Variants in CSMD1 observed in about 807,000 individuals in gnomAD.
CSMD1 encodes the protein CUB and Sushi multiple domains 1, also known as CUB and sushi domain-containing protein 1.
CSMD1 carries 213 observed loss-of-function variants against 417.5 expected under a neutral mutation model. The observed-to-expected ratio is 0.51, with a 90% confidence interval of 0.46 to 0.57. The LOEUF (loss-of-function observed/expected upper bound fraction) is 0.57, where lower values mean the gene tolerates loss of function less well. CSMD1 is among the 20% of genes least tolerant of loss of function. CSMD1 has a pLI of 0.00. For synonymous variants in CSMD1, 2,862 were observed against 1,736.8 expected (o/e 1.65, Z -16.11); for missense variants, 6,923 against 4,529.7 (o/e 1.53, Z -15.17).
At chr8:3,828,029 T>A (rs899022402) in intron 5 of CSMD1, among the ~76,000 whole-genome samples, 1 of 152,156 alleles carries the variant, frequency 6.6e-6, no homozygotes, top group Non-Finnish European at 1.5e-5. Flanking sequence ...ATTATATGGA[T>A]TTGTGTGTGA....
intron 5 of CSMD1, among the ~76,000 whole-genome samples, chr8:3,968,785 T>G (rs1430559666): frequency 6.6e-6 from 1 of 152,132 alleles, no homozygotes; most frequent in African/African-American, 2.4e-5. Context: ...GGATTTGTAA[T>G]TACAATACAA....
At chr8:4,034,889 C>G (rs1188205055) in intron 3 of CSMD1, among the ~76,000 whole-genome samples, 1 of 152,134 alleles carries the variant, frequency 6.6e-6, no homozygotes, top group Non-Finnish European at 1.5e-5. Context: ...TCAAATAAAT[C>G]TGCTAAAGAT....
At chr8:3,310,344 G>A (rs1182438320) in intron 23 of CSMD1, among the ~76,000 whole-genome samples, 2 of 149,714 alleles carry the variant, frequency 1.3e-5, no homozygotes, top group African/African-American at 2.4e-5. Context: ...TAGTGTTACT[G>A]GGTTTGCGGG....
At chr8:3,356,259 A>C (rs559993823) in intron 21 of CSMD1, among the ~76,000 whole-genome samples, 1 of 152,340 alleles carries the variant, frequency 6.6e-6, no homozygotes, top group South Asian at 2.1e-4. Flanking sequence ...GATGAATCAA[A>C]TTTTTGAGAT....
chr8:4,088,910 T>C (rs1800570633), intron 3 of CSMD1, among the ~76,000 whole-genome samples: 1 of 152,144 alleles, frequency 6.6e-6, no homozygotes, highest in Non-Finnish European at 1.5e-5. Flanking sequence ...ATTTTTATAT[T>C]CAGCGAAAAA....
intron 3 of CSMD1, among the ~76,000 whole-genome samples, chr8:4,246,348 C>T (rs565479948): frequency 3.3e-5 from 5 of 152,168 alleles, no homozygotes; most frequent in Admixed American, 2.6e-4. Context: ...GCAAAGGACA[C>T]GGTCAGTCCT....
At chr8:3,013,338 A>C (rs1415651918) in intron 52 of CSMD1, among the ~76,000 whole-genome samples, 1 of 152,170 alleles carries the variant, frequency 6.6e-6, no homozygotes, top group African/African-American at 2.4e-5. Context: ...CAGGGCTGGC[A>C]CTGATATGGA....
chr8:4,921,101 GAAGAAAGA>G (rs553234620), intron 1 of CSMD1, among the ~76,000 whole-genome samples: 1 of 150,536 alleles, frequency 6.6e-6, no homozygotes, highest in East Asian at 1.9e-4. Flanking sequence ...AAAGAAAAAA[GAAGAAAGA>G]AAGAAAGAAA....
At chr8:4,888,371 A>T (rs1380798325) in intron 1 of CSMD1, among the ~76,000 whole-genome samples, 6 of 151,918 alleles carry the variant, frequency 3.9e-5, no homozygotes, top group Non-Finnish European at 8.8e-5. Context: ...TTTTTAAAAA[A>T]TGAGGAGATA....
chr8:3,316,886 A>G (rs1805807154), intron 23 of CSMD1, among the ~76,000 whole-genome samples: 1 of 152,168 alleles, frequency 6.6e-6, no homozygotes, highest in Non-Finnish European at 1.5e-5. Flanking sequence ...TGCAATATGG[A>G]CATGGGTGAG....
rs560597624 is a variant in CSMD1, at chr8:4,806,509, T to A, written c.86-168951A>T. On this transcript the variant is annotated intron_variant, in intron 1 of 69. Coordinates refer to ENST00000635120, the MANE Select transcript of CSMD1 (RefSeq NM_033225.6). Reference sequence around the variant, plus strand: ...TTTAGTTTACATTGCATTCACTTCTTTCCTCTGGAGCTCTTTTCCTGCCAC... The same window carrying A: ...TTTAGTTTACATTGCATTCACTTCTATCCTCTGGAGCTCTTTTCCTGCCAC... Among the ~76,000 whole-genome samples, 6 of 152,310 alleles carry A rather than the reference T, an allele frequency of 3.9e-5. No individual in the cohort carries two copies. In the South Asian group the frequency reaches 1.2e-3, roughly 32 times the overall value.
At chr8:4,084,551 G>T (rs1430771787) in intron 3 of CSMD1, among the ~76,000 whole-genome samples, 3 of 152,018 alleles carry the variant, frequency 2.0e-5, no homozygotes, top group African/African-American at 7.2e-5. Context: ...AGGACAATTG[G>T]TAGGATGTTA....
intron 3 of CSMD1, among the ~76,000 whole-genome samples, chr8:4,206,690 G>T (rs928192831): frequency 6.6e-6 from 1 of 152,128 alleles, no homozygotes; most frequent in Non-Finnish European, 1.5e-5. Flanking sequence ...AATCCTTTGG[G>T]TATATACCCT....
intron 54 of CSMD1, among the ~76,000 whole-genome samples, chr8:2,981,473 G>A (rs1805420566): frequency 2.0e-5 from 3 of 152,190 alleles, no homozygotes. Context: ...TAATGCGTCA[G>A]AAAGAAATAA....
intron 2 of CSMD1, among the ~76,000 whole-genome samples, chr8:4,508,854 G>A (rs775541980): frequency 6.6e-6 from 1 of 152,040 alleles, no homozygotes; most frequent in Non-Finnish European, 1.5e-5. Context: ...TGGAATGTAA[G>A]CTTTCTGGAA....
In CSMD1 at chr8:3,227,132, G is replaced by A. The variant is rs192579572; in HGVS notation, c.4345+2908C>T. Among the ~76,000 whole-genome samples, 326 of 152,206 alleles carry A rather than the reference G, an allele frequency of 2.1e-3. 2 individuals carry two copies. The highest frequency in any genetic ancestry group is 7.6e-3 in the African/African-American group (316 of 41,530). ...ATTTTAAAAATGGGCTGGACACGAT[G>A]GCTCACACCTGCAATCCCAGCACTT... is the stretch of plus-strand genomic sequence containing the variant. On this transcript the variant is annotated intron_variant, in intron 27 of 69. Transcript: ENST00000635120.
chr8:3,872,443 G>A (rs1050776837), intron 5 of CSMD1, among the ~76,000 whole-genome samples: 1 of 152,130 alleles, frequency 6.6e-6, no homozygotes, highest in African/African-American at 2.4e-5. Flanking sequence ...ATTATCCGAA[G>A]CCCACTGTGC....
intron 5 of CSMD1, among the ~76,000 whole-genome samples, chr8:3,931,428 AT>A (rs1563224105): frequency 6.6e-6 from 1 of 150,472 alleles, no homozygotes; most frequent in African/African-American, 2.5e-5. Context: ...GGAAAAAAAA[AT>A]CTTTCAATCC....
rs563268032 is a variant in CSMD1 at position 4,722,565 on chromosome 8, T to C, written c.86-85007A>G. Among the ~76,000 whole-genome samples the C allele has an allele frequency of 6.6e-5, 10 of 152,200 alleles. No individual in the cohort carries two copies. The South Asian group carries it at 1.7e-3, about 25-fold the overall frequency. ...GGTAGAACTTTCCAAATGCATCAGATAGTTAGGAATGTCTGTGTTCCTTCT... is the reference window on the plus strand; with the variant it reads ...GGTAGAACTTTCCAAATGCATCAGACAGTTAGGAATGTCTGTGTTCCTTCT... On this transcript the variant is annotated intron_variant, in intron 1 of 69. Coordinates refer to ENST00000635120, the MANE Select transcript of CSMD1 (RefSeq NM_033225.6).
Sources: gnomAD v4.1 joint callset for allele counts (sites outside exome capture counted in the v4.1 genomes callset) on GRCh38, gnomAD v4.1.1 for gene constraint, MANE v1.5 for transcripts, NCBI Gene and HGNC (gene_info 2026-07-23, HGNC 2026-07-21) for gene names.